The following HEATR5B variants were observed in gnomAD, a reference collection of about 807,000 sequenced individuals.
HEATR5B encodes the protein HEAT repeat containing 5B.
Under a neutral mutation model 224.1 loss-of-function variants are expected in HEATR5B, and 156 were observed. The observed-to-expected ratio is 0.70, with a 90% CI of 0.61 to 0.80. HEATR5B has a LOEUF of 0.80. Among genes scored for constraint, HEATR5B ranks in the 30% least tolerant of loss-of-function variants. HEATR5B has a pLI of 0.00. For synonymous variants in HEATR5B, 1,027 were observed against 893.0 expected (o/e 1.15, Z -2.68); for missense variants, 2,323 against 2,535.5 (o/e 0.92, Z 1.80).
chr2:37,062,090 GTTAAA>G (rs773598855), intron 10 of HEATR5B, 40 bp from the exon 11 acceptor site: 3 of 1,201,398 alleles, frequency 2.5e-6, no homozygotes, highest in Non-Finnish European at 3.7e-6. Context: ...ATTCAAACAA[GTTAAA>G]TTAAATAAGG....
At chr2:37,042,954 C>G (rs1669967208) in intron 18 of HEATR5B, among the ~76,000 whole-genome samples, 2 of 151,002 alleles carry the variant, frequency 1.3e-5, no homozygotes, top group Non-Finnish European at 2.9e-5. Flanking sequence ...AGCTGAAGAC[C>G]ACACCCATCA....
chr2:37,072,092 A>G lies in HEATR5B; in HGVS notation c.769+18T>C, dbSNP rs1218447065. The G allele has an allele frequency of 1.2e-6, 2 of 1,601,508 alleles. No homozygotes were observed. The highest frequency in any genetic ancestry group is 1.1e-5 in the South Asian group (1 of 89,802). On this transcript the variant is annotated intron_variant, in intron 6 of 35. Transcript: ENST00000233099. ...AATTAGGTCTGTTATGGTCTAAATC[A>G]AGGGCAAACAACAATACCTGTTGCC...
intron 9 of HEATR5B, among the ~76,000 whole-genome samples, chr2:37,065,202 A>C (rs1002989567): frequency 5.9e-5 from 9 of 152,206 alleles, no homozygotes; most frequent in African/African-American, 2.2e-4. Flanking sequence ...TATTGATGTA[A>C]AATTTAATAG....
chr2:37,071,501 T>C (rs967999026), intron 6 of HEATR5B, among the ~76,000 whole-genome samples: 1 of 152,070 alleles, frequency 6.6e-6, no homozygotes, highest in Non-Finnish European at 1.5e-5. Flanking sequence ...AGACAGAAAA[T>C]AGCAAATAAA....
intron 18 of HEATR5B, among the ~76,000 whole-genome samples, 189 bp from the exon 19 acceptor site, chr2:37,041,481 T>G (rs973592466): frequency 2.6e-5 from 4 of 152,194 alleles, no homozygotes; most frequent in African/African-American, 9.7e-5. Flanking sequence ...GTGTCATGGC[T>G]CATGCCTGTA....
intron 11 of HEATR5B, among the ~76,000 whole-genome samples, chr2:37,061,368 A>G (rs1671270374): frequency 6.6e-6 from 1 of 152,336 alleles, no homozygotes; most frequent in South Asian, 2.1e-4. Flanking sequence ...CAACAGATAG[A>G]TGCTTAGATC....
chr2:36,990,035 G>C (rs963252717), intron 34 of HEATR5B, among the ~76,000 whole-genome samples: 1 of 149,982 alleles, frequency 6.7e-6, no homozygotes, highest in Admixed American at 6.7e-5. Context: ...CCAAGTAGCT[G>C]GGATTACAGG....
intron 18 of HEATR5B, among the ~76,000 whole-genome samples, chr2:37,041,647 G>A (rs1395238833): frequency 6.6e-6 from 1 of 152,130 alleles, no homozygotes; most frequent in Non-Finnish European, 1.5e-5. Context: ...TAGGGAGGCT[G>A]AAGTGAGAGG....
rs1433577992 is a variant in HEATR5B at position 37,016,189 on chromosome 2, T to C, written c.4105-2169A>G. On this transcript the variant is annotated intron_variant, in intron 26 of 35. Coordinates refer to ENST00000233099, the MANE Select transcript of HEATR5B (RefSeq NM_019024.3). ...GCGCAGTGGCGTGATTTTGGCTCAC[T>C]GCAACCTCCGCCTCCCAGGTTCATG... is the stretch of plus-strand genomic sequence containing the variant. 3.3e-5 allele frequency among the ~76,000 whole-genome samples: 5 copies of C among 150,362 alleles called. No homozygotes were observed. The Admixed American group carries it at 3.3e-4, about 10-fold the overall frequency.
At chr2:37,012,753 A>G (rs1178643898) in intron 27 of HEATR5B, among the ~76,000 whole-genome samples, 1 of 152,188 alleles carries the variant, frequency 6.6e-6, no homozygotes, top group Non-Finnish European at 1.5e-5. Flanking sequence ...AAGAGTAGAC[A>G]GCACTGAGCT....
Position 37,064,816 on chromosome 2 carries a change from C to G in HEATR5B, c.1508G>C (p.Gly503Ala). 6.2e-7 allele frequency: 1 copy of G among 1,614,026 alleles called. No individual in the cohort carries two copies. Among genetic ancestry groups the G allele is most frequent in the Non-Finnish European group, 8.5e-7 (1 of 1,179,974 alleles). ...CAAAGCAGCCATTGCAAAACTATATCCACTGACAGCTTCTGGTGAGGTCTT... is the reference window on the plus strand; with the variant it reads ...CAAAGCAGCCATTGCAAAACTATATGCACTGACAGCTTCTGGTGAGGTCTT... ...NLKTSPEAVS[G>A]YSFAMAALLG... is the part of the protein sequence containing the mutation. The change falls in exon 10 of 36, where the codon GGA becomes GCA. Residue 503 changes from glycine (G) to alanine (A), a missense_variant. Gly to Ala is a moderately conservative substitution (Grantham distance 60). Transcript: ENST00000233099.
intron 30 of HEATR5B, among the ~76,000 whole-genome samples, chr2:37,005,201 T>A (rs1462534233): frequency 6.6e-6 from 1 of 152,142 alleles, no homozygotes; most frequent in South Asian, 2.1e-4. Flanking sequence ...TGCCTCCTAG[T>A]GTTCGTATTT....
chr2:37,018,473 T>A (rs988034357), intron 26 of HEATR5B, among the ~76,000 whole-genome samples: 1 of 152,226 alleles, frequency 6.6e-6, no homozygotes, highest in African/African-American at 2.4e-5. Context: ...CCAACAACGT[T>A]TCTTTTCTCT....
chr2:37,020,560 T>C (rs1668400187), intron 25 of HEATR5B, 95 bp downstream of exon 25: 2 of 801,440 alleles, frequency 2.5e-6, no homozygotes, highest in South Asian at 2.3e-5. Flanking sequence ...ATAAACAGAT[T>C]GCAGTTCCAA....
In HEATR5B at chr2:37,064,846, T is replaced by A. The variant is rs1384525651; in HGVS notation, c.1478A>T (p.Asn493Ile). The change falls in exon 10 of 36, where the codon AAC becomes ATC. Residue 493 changes from asparagine to isoleucine, a missense_variant. Physicochemically the swap from Asn to Ile is moderately radical, Grantham distance 149. Around this residue, in one of 12 missense-constraint regions of HEATR5B, gnomAD observed 502 missense variants for 517.8 expected, o/e 0.97. Transcript: ENST00000233099. ...GACAGCTTCTGGTGAGGTCTTCAAG[T>A]TGTTGAGCCGTTCTGCACACCTGTC... is the stretch of plus-strand genomic sequence containing the variant. Reference protein sequence around the residue: ...FLDRCAERLNNLKTSPEAVSG... With the variant: ...FLDRCAERLNILKTSPEAVSG... The A allele has an allele frequency of 1.2e-6, 2 of 1,614,018 alleles. No individual in the cohort carries two copies. Among genetic ancestry groups the A allele is most frequent in the Non-Finnish European group, 1.7e-6 (2 of 1,180,024 alleles).
At chr2:37,044,120 A>C (rs181357490) in intron 18 of HEATR5B, among the ~76,000 whole-genome samples, 10 of 152,202 alleles carry the variant, frequency 6.6e-5, no homozygotes, top group Non-Finnish European at 1.3e-4. Context: ...TTCAAAATCC[A>C]ATATGTATTA....
chr2:37,014,081 G>C (rs571885548), intron 26 of HEATR5B, 61 bp from the exon 27 acceptor site: 4 of 955,520 alleles, frequency 4.2e-6, no homozygotes, highest in African/African-American at 3.3e-5. Context: ...TAAGAAAATG[G>C]AATAAATGAC....
chr2:36,984,667 G>T (rs1337971070), intron 35 of HEATR5B, among the ~76,000 whole-genome samples: 1 of 152,116 alleles, frequency 6.6e-6, no homozygotes, highest in Non-Finnish European at 1.5e-5. Flanking sequence ...GCACAGAAAG[G>T]AAACTGGTCT....
At chr2:37,013,353 A>C (rs1453773591) in intron 27 of HEATR5B, among the ~76,000 whole-genome samples, 1 of 152,232 alleles carries the variant, frequency 6.6e-6, no homozygotes, top group Non-Finnish European at 1.5e-5. Flanking sequence ...TATTTTTTAA[A>C]GTGACTGTGA....
Sources: gnomAD v4.1 joint callset for allele counts (sites outside exome capture counted in the v4.1 genomes callset) on GRCh38, gnomAD v4.1.1 for gene constraint, gnomAD v4.1.1 regional missense constraint, MANE v1.5 for transcripts, NCBI Gene and HGNC (gene_info 2026-07-23, HGNC 2026-07-21) for gene names.